SCIMP: variants seen among roughly 807,000 people sequenced by gnomAD.
SCIMP encodes SLP adapter and CSK-interacting membrane protein.
SCIMP carries 18 observed loss-of-function variants against 22.0 expected under a neutral mutation model. The ratio of observed to expected loss-of-function variants is 0.82; its 90% CI spans 0.56 to 1.21. The LOEUF is 1.21. Among genes scored for constraint, SCIMP ranks in the 50% most tolerant of loss-of-function variants. The probability of loss-of-function intolerance (pLI) is 0.00; values close to 1 mark genes in which losing one functional copy is unlikely to be tolerated. For missense variants in SCIMP, 155 were observed against 171.2 expected, an observed-to-expected ratio of 0.91 and a Z score of 0.53; for synonymous variants, 53 against 62.2, an observed-to-expected ratio of 0.85 and a Z score of 0.70.
intron 3 of SCIMP, among the ~76,000 whole-genome samples, chr17:5,220,652 G>A (rs112020238): frequency 1.3e-5 from 2 of 152,052 alleles, no homozygotes; most frequent in African/African-American, 4.8e-5. Context: ...GCTGAGGCAG[G>A]AGAATTGCTT....
In SCIMP at chr17:5,221,368, T is replaced by C. The variant is rs766714843; in HGVS notation, c.146-18A>G. The C allele has an allele frequency of 6.9e-5, 111 of 1,599,342 alleles. No individual in the cohort carries two copies. The highest frequency in any genetic ancestry group is 7.5e-5 in the Non-Finnish European group (88 of 1,166,514). On this transcript the variant is annotated intron_variant, in intron 2 of 4. Coordinates refer to ENST00000574081, the MANE Select transcript of SCIMP (RefSeq NM_207103.3). ...TTTCTTGCCTAAGAGGGGAAAAGCA[T>C]GTTCATTGAAGAAGAATTAGCAAAA...
intron 3 of SCIMP, chr17:5,221,057 C>CAAAAA: frequency 1.9e-6 from 1 of 525,512 alleles, no homozygotes; most frequent in African/African-American, 2.2e-5. Flanking sequence ...GACTCCATCT[C>CAAAAA]AAAAAAAAAA....
chr17:5,226,242 C>T lies in SCIMP; in HGVS notation c.22-2786G>A, dbSNP rs1471233896. ...TCTGCATTACTTGATTTTTGCACTA[C>T]GTACATTTACTTTGATAACACTGGA... On this transcript the variant is annotated intron_variant, in intron 1 of 4. Coordinates refer to ENST00000574081, the MANE Select transcript of SCIMP (RefSeq NM_207103.3). Among the ~76,000 whole-genome samples, 8 of 152,100 alleles carry T rather than the reference C, an allele frequency of 5.3e-5. No homozygotes were observed. In the East Asian group the frequency reaches 9.6e-4, roughly 18 times the overall value.
intron 3 of SCIMP, among the ~76,000 whole-genome samples, chr17:5,219,364 C>T (rs1298804160): frequency 3.3e-5 from 5 of 151,638 alleles, no homozygotes; most frequent in African/African-American, 1.2e-4. Flanking sequence ...TGGTGGCTCA[C>T]ACTTGTAATC....
chr17:5,213,162 T>A, intron 4 of SCIMP: 1 of 985,284 alleles, frequency 1.0e-6, no homozygotes, highest in Non-Finnish European at 1.2e-6. Flanking sequence ...TCTTTCTGTT[T>A]ATGTTCCAAG....
At chr17:5,216,355 C>CATATAATTG (rs2074565464) in intron 3 of SCIMP, among the ~76,000 whole-genome samples, 1 of 152,014 alleles carries the variant, frequency 6.6e-6, no homozygotes, top group Non-Finnish European at 1.5e-5. Context: ...CTATATGATG[C>CATATAATTG]CATTAATAGA....
At chr17:5,215,042 A>C (rs951479735) in intron 3 of SCIMP, 44 bp from the exon 4 acceptor site, 2 of 1,242,796 alleles carry the variant, frequency 1.6e-6, no homozygotes, top group Admixed American at 3.4e-5. Context: ...GGTTTGGGCC[A>C]TGCCTGCTCC....
At chr17:5,221,667 G>A (rs1386650958) in intron 2 of SCIMP, among the ~76,000 whole-genome samples, 1 of 152,226 alleles carries the variant, frequency 6.6e-6, no homozygotes, top group African/African-American at 2.4e-5. Context: ...GGACATACAC[G>A]TTGTTATAAA....
chr17:5,228,576 T>A (rs2144342396), intron 1 of SCIMP, among the ~76,000 whole-genome samples: 1 of 151,756 alleles, frequency 6.6e-6, no homozygotes, highest in Non-Finnish European at 1.5e-5. Flanking sequence ...GCCCAGGGAT[T>A]CGAGGCTACA....
intron 1 of SCIMP, among the ~76,000 whole-genome samples, chr17:5,230,707 G>T (rs1597295916): frequency 6.6e-6 from 1 of 150,986 alleles, no homozygotes; most frequent in South Asian, 2.1e-4. Context: ...GATCACTTGA[G>T]CCCAGGAGTT....
rs1453063719 is a variant in SCIMP, at chr17:5,209,596, T to C, written c.*1205A>G. The C allele has an allele frequency of 6.6e-6, 1 of 152,212 alleles. No individual in the cohort carries two copies. The highest frequency in any genetic ancestry group is 6.5e-5 in the Admixed American group (1 of 15,272). The allele number at this position is 152,212 out of a possible 1,614,324, so 9.4% of individuals were successfully genotyped here. ...CACAGTGCTCTCTCTGCAAGGCTGTTCATTTGCCAGATTTCCCAGAGGTCA... is the reference window on the plus strand; with the variant it reads ...CACAGTGCTCTCTCTGCAAGGCTGTCCATTTGCCAGATTTCCCAGAGGTCA... On this transcript the variant is annotated 3_prime_UTR_variant, in exon 5 of 5. Transcript: ENST00000574081.
rs1456804413 is a variant in SCIMP, at chr17:5,215,007, A to G, written c.210-9T>C. On this transcript the variant is annotated splice_polypyrimidine_tract_variant and intron_variant, in intron 3 of 4. Coordinates refer to ENST00000574081, the MANE Select transcript of SCIMP (RefSeq NM_207103.3). ...ACTCATTAAGAACATTCCTAGAGAG[A>G]GAGAAAGAGAGAGAATCAGTGTTTG... The G allele has an allele frequency of 1.3e-6, 2 of 1,569,864 alleles. No individual in the cohort carries two copies.
At chr17:5,212,392 T>C (rs1338628568) in intron 4 of SCIMP, among the ~76,000 whole-genome samples, 1 of 151,974 alleles carries the variant, frequency 6.6e-6, no homozygotes, top group Admixed American at 6.6e-5. Context: ...CCCAGCACTT[T>C]GGGAGGCTGA....
chr17:5,231,800 A>C (rs973366171), intron 1 of SCIMP, among the ~76,000 whole-genome samples: 2 of 152,212 alleles, frequency 1.3e-5, no homozygotes, highest in African/African-American at 2.4e-5. Context: ...CACGCCTGTA[A>C]TCCCAGCACT....
chr17:5,227,954 C>T (rs2074664179), intron 1 of SCIMP, among the ~76,000 whole-genome samples: 1 of 152,146 alleles, frequency 6.6e-6, no homozygotes, highest in African/African-American at 2.4e-5. Context: ...GCAGGCAGAT[C>T]ATGAGGTCAG....
rs1386115100 is a variant in SCIMP, at chr17:5,210,741, T to G, written c.*60A>C. The G allele has an allele frequency of 1.2e-5, 18 of 1,559,232 alleles. No individual in the cohort carries two copies. The highest frequency in any genetic ancestry group is 1.4e-5 in the Non-Finnish European group (16 of 1,158,886). ...CTACTGAAGTTCAACCATTCTTGAT[T>G]GTTTTAAAATAAGTTGTGTGAACCC... On this transcript the variant is annotated 3_prime_UTR_variant, in exon 5 of 5. Coordinates refer to ENST00000574081, the MANE Select transcript of SCIMP (RefSeq NM_207103.3).
chr17:5,218,861 T>C (rs981263526), intron 3 of SCIMP, among the ~76,000 whole-genome samples: 1 of 152,102 alleles, frequency 6.6e-6, no homozygotes, highest in African/African-American at 2.4e-5. Flanking sequence ...TGGCCTCAAG[T>C]GATACTCCCA....
intron 1 of SCIMP, 143 bp downstream of exon 1, chr17:5,234,592 G>T: frequency 1.2e-6 from 1 of 801,120 alleles, no homozygotes; most frequent in Non-Finnish European, 2.1e-6. Context: ...ACCCTACACA[G>T]CAGTCGTACC....
In SCIMP at chr17:5,214,970, A is replaced by G; in HGVS notation, c.238T>C (p.Leu80=). 6.2e-7 allele frequency: 1 copy of G among 1,611,240 alleles called. No individual in the cohort carries two copies. The highest frequency in any genetic ancestry group is 8.5e-7 in the Non-Finnish European group (1 of 1,177,502). Residue 80 remains leucine (L), a synonymous_variant, in exon 4 of 5, where the codon TTA becomes CTA. Transcript: ENST00000574081. ...ENVLNESPVQ[L]PPLPPRNWPS... ...CAATTCCTCGGTGGCAGAGGCGGTAATTGAACTGGCGACTCATTAAGAACA... is the reference window on the plus strand; with the variant it reads ...CAATTCCTCGGTGGCAGAGGCGGTAGTTGAACTGGCGACTCATTAAGAACA...
Sources: gnomAD v4.1 joint callset for allele counts (sites outside exome capture counted in the v4.1 genomes callset) on GRCh38, gnomAD v4.1.1 for gene constraint, MANE v1.5 for transcripts, NCBI Gene and HGNC (gene_info 2026-07-23, HGNC 2026-07-21) for gene names.